LDAH: variants seen among roughly 807,000 people sequenced by gnomAD.
The protein encoded by LDAH is lipid droplet-associated hydrolase.
In LDAH, 26 loss-of-function variants were observed where a neutral mutation model predicts 29.6. The observed-to-expected ratio is 0.88, with a 90% CI of 0.64 to 1.22. LDAH has a LOEUF of 1.22. Among genes scored for constraint, LDAH ranks in the 50% most tolerant of loss-of-function variants. LDAH has a pLI of 0.00. For missense variants in LDAH, 344 were observed against 387.3 expected, an observed-to-expected ratio of 0.89 and a Z score of 0.94; for synonymous variants, 117 against 133.0, an observed-to-expected ratio of 0.88 and a Z score of 0.83.
intron 3 of LDAH, among the ~76,000 whole-genome samples, chr2:20,776,434 C>T (rs1669833317): frequency 1.3e-5 from 2 of 152,268 alleles, no homozygotes; most frequent in South Asian, 4.1e-4. Context: ...CTTTACAATT[C>T]AGGTCTTGCT....
At chr2:20,713,173 A>G (rs922501041) in intron 5 of LDAH, among the ~76,000 whole-genome samples, 1 of 152,368 alleles carries the variant, frequency 6.6e-6, no homozygotes, top group African/African-American at 2.4e-5. Flanking sequence ...GAAGCCCATC[A>G]GACTAACAGC....
At chr2:20,742,849 C>T (rs1667288613) in intron 4 of LDAH, among the ~76,000 whole-genome samples, 1 of 147,894 alleles carries the variant, frequency 6.8e-6, no homozygotes, top group Non-Finnish European at 1.5e-5. Context: ...GCCTTGACCT[C>T]CCAGGCTCAA....
rs546076496 is a variant in LDAH, at chr2:20,812,162, G to C, written c.-2-10697C>G. ...AAGAAAATAAGGAACAAGGCCAGAA[G>C]ACAATGTGAGCCACAGAACTAAAGC... is the stretch of plus-strand genomic sequence containing the variant. On this transcript the variant is annotated intron_variant, in intron 1 of 6. Transcript: ENST00000237822. Among the ~76,000 whole-genome samples the C allele has an allele frequency of 8.7e-4, 132 of 152,338 alleles. 1 individual carries two copies. The highest frequency in any genetic ancestry group is 3.0e-3 in the African/African-American group (126 of 41,580).
chr2:20,723,469 A>T (rs567243444), intron 5 of LDAH, among the ~76,000 whole-genome samples: 1 of 152,358 alleles, frequency 6.6e-6, no homozygotes, highest in South Asian at 2.1e-4. Flanking sequence ...AATTAAAAAA[A>T]AACTTAAAAA....
At position 20,699,916 on chromosome 2, in the gene LDAH, C is replaced by T. The variant is rs548048318; in HGVS notation, c.786+1654G>A. ...CTTTGACCTTTTTCTGAGCACAACA[C>T]ACAAGCTGAATCCAGAAATGATGAG... is the stretch of plus-strand genomic sequence containing the variant. On this transcript the variant is annotated intron_variant, in intron 6 of 6. Transcript: ENST00000237822. 2.0e-5 allele frequency among the ~76,000 whole-genome samples: 3 copies of T among 152,324 alleles called. No homozygotes were observed. The South Asian group carries it at 6.2e-4, about 32-fold the overall frequency.
At chr2:20,760,696 A>G (rs565763567) in intron 4 of LDAH, among the ~76,000 whole-genome samples, 1 of 152,340 alleles carries the variant, frequency 6.6e-6, no homozygotes, top group Admixed American at 6.5e-5. Context: ...CCCAACATAG[A>G]CAACCCACAA....
At chr2:20,700,316 C>T (rs1381464176) in intron 6 of LDAH, among the ~76,000 whole-genome samples, 1 of 152,118 alleles carries the variant, frequency 6.6e-6, no homozygotes, top group African/African-American at 2.4e-5. Context: ...AATATGATGA[C>T]CACTATGGCC....
At chr2:20,764,608 T>C (rs183293633) in intron 4 of LDAH, among the ~76,000 whole-genome samples, 1 of 152,234 alleles carries the variant, frequency 6.6e-6, no homozygotes, top group Non-Finnish European at 1.5e-5. Context: ...CTCCTCCCAA[T>C]GCATTCACCT....
chr2:20,692,567 T>TA (rs1290588660), intron 6 of LDAH, among the ~76,000 whole-genome samples: 1 of 152,228 alleles, frequency 6.6e-6, no homozygotes, highest in African/African-American at 2.4e-5. Flanking sequence ...AAAGGGCTAA[T>TA]AAAATGAAAG....
intron 6 of LDAH, among the ~76,000 whole-genome samples, chr2:20,690,072 AT>A (rs1310916884): frequency 6.6e-6 from 1 of 152,224 alleles, no homozygotes; most frequent in East Asian, 1.9e-4. Context: ...CTGTGATGCA[AT>A]TACAACTTGA....
At chr2:20,726,445 C>T (rs1364065198) in intron 5 of LDAH, among the ~76,000 whole-genome samples, 1 of 152,176 alleles carries the variant, frequency 6.6e-6, no homozygotes, top group South Asian at 2.1e-4. Flanking sequence ...CACATGCCAA[C>T]ACAGCTGTAG....
chr2:20,685,393 G>A lies in LDAH; in HGVS notation c.*1510C>T. On this transcript the variant is annotated 3_prime_UTR_variant, in exon 7 of 7. Coordinates refer to ENST00000237822, the MANE Select transcript of LDAH (RefSeq NM_021925.4). Reference sequence around the variant, plus strand: ...TCATGCAGATGCCAATAAAGGATCTGTGTACAGCCCTGTGCTTACGGCCTA... The same window carrying A: ...TCATGCAGATGCCAATAAAGGATCTATGTACAGCCCTGTGCTTACGGCCTA... 1.1e-6 allele frequency: 1 copy of A among 931,654 alleles called. No individual in the cohort carries two copies. Among genetic ancestry groups the A allele is most frequent in the African/African-American group, 1.7e-5 (1 of 59,802 alleles). 57.7% of individuals were successfully genotyped at this position (931,654 alleles called of 1,614,324 possible).
At chr2:20,815,084 G>A (rs920590062) in intron 1 of LDAH, among the ~76,000 whole-genome samples, 24 of 152,112 alleles carry the variant, frequency 1.6e-4, no homozygotes, top group Middle Eastern at 3.4e-3. Context: ...TCTCCTTGAA[G>A]GATGAAATGT....
intron 6 of LDAH, among the ~76,000 whole-genome samples, chr2:20,692,733 C>A (rs566410092): frequency 6.6e-6 from 1 of 152,230 alleles, no homozygotes; most frequent in African/African-American, 2.4e-5. Context: ...ATGTTTCCAA[C>A]GAGAAATCCA....
At chr2:20,789,329 C>A in intron 3 of LDAH, 2 of 1,534,340 alleles carry the variant, frequency 1.3e-6, no homozygotes, top group Non-Finnish European at 1.8e-6. Context: ...GAGAGGACAG[C>A]AAGAATGCCA....
chr2:20,761,065 T>C (rs889820705), intron 4 of LDAH, among the ~76,000 whole-genome samples: 8 of 152,192 alleles, frequency 5.3e-5, no homozygotes, highest in African/African-American at 1.7e-4. Context: ...TTCTATCTTA[T>C]AGAAGCTGAA....
intron 5 of LDAH, among the ~76,000 whole-genome samples, chr2:20,702,379 T>C (rs536458148): frequency 6.6e-6 from 1 of 152,348 alleles, no homozygotes; most frequent in African/African-American, 2.4e-5. Context: ...CAATCTTTTG[T>C]CATTTTGTTT....
chr2:20,685,412 C>T lies in LDAH; in HGVS notation c.*1491G>A, dbSNP rs145292608. On this transcript the variant is annotated 3_prime_UTR_variant, in exon 7 of 7. Coordinates refer to ENST00000237822, the MANE Select transcript of LDAH (RefSeq NM_021925.4). The stretch of plus-strand genomic sequence containing the variant: ...GGATCTGTGTACAGCCCTGTGCTTA[C>T]GGCCTATGTATCTATTAGCTCTTCC... 72 of 1,118,492 alleles carry T rather than the reference C, an allele frequency of 6.4e-5. No homozygotes were observed. The highest frequency in any genetic ancestry group is 4.7e-4 in the East Asian group (18 of 38,612). 69.3% of individuals were successfully genotyped at this position (1,118,492 alleles called of 1,614,324 possible).
chr2:20,726,131 G>C (rs56152193), intron 5 of LDAH, among the ~76,000 whole-genome samples: 44 of 152,288 alleles, frequency 2.9e-4, no homozygotes, highest in Non-Finnish European at 4.7e-4. Flanking sequence ...GGGTGTTTTT[G>C]GTCACAGCAC....
Sources: allele counts gnomAD v4.1 joint callset (sites outside exome capture counted in the v4.1 genomes callset), GRCh38; gene constraint gnomAD v4.1.1; transcripts MANE v1.5; gene names NCBI Gene and HGNC (gene_info 2026-07-23, HGNC 2026-07-21).